Variants in NDNF observed in about 807,000 individuals in gnomAD.
NDNF encodes the protein neuron derived neurotrophic factor, also known as protein NDNF.
A neutral mutation model predicts 42.0 loss-of-function variants in NDNF; 16 were observed. That is an observed-to-expected ratio of 0.38 (90% CI 0.26 to 0.58). The LOEUF (loss-of-function observed/expected upper bound fraction) is 0.58. NDNF is among the 20% of genes least tolerant of loss of function. The pLI is 0.67. For missense variants in NDNF, 616 were observed against 666.2 expected (o/e 0.92, Z 0.83); for synonymous variants, 248 against 251.7 (o/e 0.99, Z 0.14).
chr4:121,054,595 G>A (rs1469469250), intron 1 of NDNF, among the ~76,000 whole-genome samples: 2 of 152,206 alleles, frequency 1.3e-5, no homozygotes, highest in African/African-American at 4.8e-5. Context: ...TCATCTGAAT[G>A]ACAAGAGGAA....
chr4:121,060,793 C>T (rs1173992294), intron 1 of NDNF, among the ~76,000 whole-genome samples: 1 of 152,202 alleles, frequency 6.6e-6, no homozygotes, highest in Non-Finnish European at 1.5e-5. Flanking sequence ...TTCAACTCTC[C>T]CTCATCTTTA....
intron 1 of NDNF, among the ~76,000 whole-genome samples, chr4:121,059,084 C>T (rs1216284219): frequency 1.3e-5 from 2 of 152,156 alleles, no homozygotes; most frequent in African/African-American, 4.8e-5. Context: ...GGGTGGCAAA[C>T]GTCTACTCAT....
intron 2 of NDNF, 119 bp downstream of exon 2, chr4:121,045,531 C>T: frequency 2.6e-6 from 2 of 769,808 alleles, no homozygotes; most frequent in Non-Finnish European, 4.2e-6. Context: ...TACAGAAAAT[C>T]GGTAATGCCA....
chr4:121,046,590 T>C (rs73845683), intron 1 of NDNF, among the ~76,000 whole-genome samples: 2,878 of 152,304 alleles, frequency 0.019, 90 homozygotes, highest in African/African-American at 0.066. Flanking sequence ...CGTTGACATA[T>C]ACACCTCTAT....
chr4:121,071,769 T>TAA (rs369846490), intron 1 of NDNF: 68,290 of 142,890 alleles, frequency 0.48, 17,540 homozygotes, highest in East Asian at 0.65. Flanking sequence ...ACAACAACAA[T>TAA]AAAAAAAAAA....
At chr4:121,063,734 C>A (rs1299734359) in intron 1 of NDNF, among the ~76,000 whole-genome samples, 1 of 151,978 alleles carries the variant, frequency 6.6e-6, no homozygotes, top group Non-Finnish European at 1.5e-5. Flanking sequence ...AGAACCTGCG[C>A]GTGTTCAGAG....
At chr4:121,039,186 GTGTGTGTA>G (rs1178312990) in intron 3 of NDNF, among the ~76,000 whole-genome samples, 4 of 16,392 alleles carry the variant, frequency 2.4e-4, no homozygotes, top group Non-Finnish European at 7.9e-4. Flanking sequence ...CTATGTGTGT[GTGTGTGTA>G]TATATATATA....
intron 1 of NDNF, among the ~76,000 whole-genome samples, chr4:121,049,879 T>A (rs1487227247): frequency 1.3e-5 from 2 of 152,356 alleles, no homozygotes; most frequent in African/African-American, 4.8e-5. Flanking sequence ...AAAAAAGTTT[T>A]AAAAATTTGT....
chr4:121,042,241 AT>A (rs1727011079), intron 2 of NDNF, among the ~76,000 whole-genome samples: 1 of 152,322 alleles, frequency 6.6e-6, no homozygotes, highest in African/African-American at 2.4e-5. Flanking sequence ...AAATAATTGA[AT>A]TACTAAATAA....
At chr4:121,040,417 A>C (rs970162235) in intron 2 of NDNF, among the ~76,000 whole-genome samples, 1 of 152,214 alleles carries the variant, frequency 6.6e-6, no homozygotes, top group African/African-American at 2.4e-5. Context: ...AATAAATCAC[A>C]ACCAAGAAAA....
chr4:121,051,317 G>C (rs1270124769), intron 1 of NDNF, among the ~76,000 whole-genome samples: 3 of 152,088 alleles, frequency 2.0e-5, no homozygotes, highest in African/African-American at 7.2e-5. Context: ...AGTAGGGAGT[G>C]GAGCACATGA....
chr4:121,053,320 CCTCT>C lies in NDNF; in HGVS notation c.-1-7486_-1-7483del, dbSNP rs774163133. Among the ~76,000 whole-genome samples, 36 of 152,286 alleles carry C rather than the reference CCTCT, an allele frequency of 2.4e-4. 1 individual carries two copies. Among genetic ancestry groups the C allele is most frequent in the South Asian group, 6.2e-4 (3 of 4,818 alleles). ...AAAGTTTCCATTCTGTCATGCGCTC[CCTCT>C]GAGTCTCATGATGCAGAGTTCCTAA... is the stretch of plus-strand genomic sequence containing the variant. On this transcript the variant is annotated intron_variant, in intron 1 of 3. Transcript: ENST00000379692.
intron 2 of NDNF, among the ~76,000 whole-genome samples, chr4:121,045,115 G>A (rs185500704): frequency 1.7e-4 from 26 of 152,296 alleles, no homozygotes; most frequent in African/African-American, 5.3e-4. Context: ...CATTTTGGGC[G>A]GCCAAAGAGG....
intron 1 of NDNF, among the ~76,000 whole-genome samples, chr4:121,055,008 T>TA (rs200788555): frequency 0.013 from 2,025 of 151,866 alleles, 21 homozygotes; most frequent in Middle Eastern, 0.044. Context: ...TTTTTTTTTT[T>TA]ATTTTTGTAT....
rs751610469 is a variant in NDNF, at chr4:121,037,154, A to G, written c.817T>C (p.Ser273Pro). ...GKERSFQAKP[S>P]PKLGRHVYSR... Reference sequence around the variant, plus strand: ...TAGACATGACGCCCCAGTTTTGGAGAAGGCTTTGCCTGGAAACTGCGTTCT... The same window carrying G: ...TAGACATGACGCCCCAGTTTTGGAGGAGGCTTTGCCTGGAAACTGCGTTCT... Residue 273 changes from serine (S) to proline (P), a missense_variant, in exon 4 of 4, where the codon TCT becomes CCT. Ser to Pro is a moderately conservative substitution (Grantham distance 74). Transcript: ENST00000379692. The G allele has an allele frequency of 6.2e-7, 1 of 1,613,968 alleles. No individual in the cohort carries two copies. Among genetic ancestry groups the G allele is most frequent in the South Asian group, 1.1e-5 (1 of 91,068 alleles).
chr4:121,063,750 T>C (rs4311329), intron 1 of NDNF, among the ~76,000 whole-genome samples: 130,444 of 152,180 alleles, frequency 0.86, 56,081 homozygotes, highest in Non-Finnish European at 0.88. Context: ...CAGAGACTGA[T>C]GTTCCACTTC....
intron 2 of NDNF, among the ~76,000 whole-genome samples, chr4:121,042,125 A>G (rs2148764239): frequency 6.6e-6 from 1 of 152,210 alleles, no homozygotes; most frequent in African/African-American, 2.4e-5. Flanking sequence ...TCATTTGATT[A>G]ATGTCATTTT....
chr4:121,043,242 T>C (rs1314525086), intron 2 of NDNF, among the ~76,000 whole-genome samples: 6 of 152,182 alleles, frequency 3.9e-5, no homozygotes, highest in Non-Finnish European at 4.4e-5. Context: ...CCATGAGCCA[T>C]TTAGCCTTTG....
rs1354415105 is a variant in NDNF at position 121,071,603 on chromosome 4, G to C, written c.-2+390C>G. On this transcript the variant is annotated intron_variant, in intron 1 of 3. Transcript: ENST00000379692. ...AAAGTAAGTGTCCAGGCTAAGTCCG[G>C]GATAAAGGCTCCGCGGCTCCCCAGA... 1.3e-5 allele frequency: 2 copies of C among 152,354 alleles called. 1 individual carries two copies. The highest frequency in any genetic ancestry group is 3.9e-4 in the East Asian group (2 of 5,186). 9.4% of individuals were successfully genotyped at this position (152,354 alleles called of 1,614,324 possible).
Sources: allele counts gnomAD v4.1 joint callset (sites outside exome capture counted in the v4.1 genomes callset), GRCh38; gene constraint gnomAD v4.1.1; transcripts MANE v1.5; gene names NCBI Gene and HGNC (gene_info 2026-07-23, HGNC 2026-07-21).